Variants in CCDC142 observed in about 807,000 individuals in gnomAD.
CCDC142 encodes the protein coiled-coil domain containing 142.
In CCDC142, 67 loss-of-function variants were observed where a neutral mutation model predicts 83.8. The observed-to-expected ratio is 0.80, with a 90% CI of 0.66 to 0.98. The LOEUF (loss-of-function observed/expected upper bound fraction) is 0.98. CCDC142 is among the 50% of genes least tolerant of loss of function. The probability of loss-of-function intolerance (pLI) is 0.00; values close to 1 mark genes in which losing one functional copy is unlikely to be tolerated. For synonymous variants in CCDC142, 421 were observed against 421.2 expected, an observed-to-expected ratio of 1.00 and a Z score of 0.01; for missense variants, 905 against 946.8, an observed-to-expected ratio of 0.96 and a Z score of 0.58.
Position 74,482,141 on chromosome 2 carries a change from A to G in CCDC142, c.697T>C (p.Ser233Pro), listed in dbSNP as rs145418733. ...CCCGTCAAGAGGCGGAGCACACGGG[A>G]CGTGGGGAAAGGACGTGCGGCCCCT... Reference protein sequence around the residue: ...VPGAARPFPTSRVLRLLTGER... With the variant: ...VPGAARPFPTPRVLRLLTGER... Residue 233 changes from serine (S) to proline (P), a missense_variant, in exon 1 of 9, where the codon TCC (serine) becomes CCC (proline). Physicochemically the swap from Ser to Pro is moderately conservative, Grantham distance 74 (BLOSUM62 -1). Transcript: ENST00000393965. This position sits in a 1 kb window ranked among gnomAD's most constrained non-coding sequence, Gnocchi z 5.0. 3.6e-4 allele frequency: 581 copies of G among 1,613,708 alleles called. 4 individuals carry two copies. In the African/African-American group the frequency reaches 6.5e-3, roughly 18 times the overall value.
intron 7 of CCDC142, 41 bp from the exon 8 acceptor site, chr2:74,475,156 C>T (rs1182414037): frequency 1.2e-6 from 2 of 1,612,134 alleles, no homozygotes; most frequent in South Asian, 2.2e-5. Context: ...ACCCTCCTGC[C>T]TCTCCCACTT....
At chr2:74,479,826 G>A (rs1672404704) in intron 5 of CCDC142, among the ~76,000 whole-genome samples, 1 of 152,060 alleles carries the variant, frequency 6.6e-6, no homozygotes, top group African/African-American at 2.4e-5. Context: ...GTTGCCCCTG[G>A]TGGTCTCGAA....
chr2:74,481,129 A>G, intron 3 of CCDC142, 43 bp from the exon 4 acceptor site: 1 of 1,609,092 alleles, frequency 6.2e-7, no homozygotes, highest in Non-Finnish European at 8.5e-7. Context: ...GGGGTCATGG[A>G]GTACCTTTGG....
chr2:74,477,995 A>ATAT (rs199558851), intron 5 of CCDC142, among the ~76,000 whole-genome samples: 8 of 147,132 alleles, frequency 5.4e-5, no homozygotes, highest in Admixed American at 3.4e-4. Context: ...AATTAAAAAA[A>ATAT]AAATATATAT....
rs1352494389 is a variant in CCDC142 at position 74,473,070 on chromosome 2, G to A, written c.*1476C>T. On this transcript the variant is annotated 3_prime_UTR_variant, in exon 9 of 9. Transcript: ENST00000393965. ...AAGAGAGAGCACTAACACAAGCCGG[G>A]ATGATCCACACCAGAAGGTAAACAC... The A allele has an allele frequency of 3.9e-6, 1 of 256,400 alleles. No individual in the cohort carries two copies. The highest frequency in any genetic ancestry group is 2.3e-5 in the African/African-American group (1 of 43,514). 15.9% of individuals were successfully genotyped at this position (256,400 alleles called of 1,614,324 possible). A position where few individuals can be genotyped will look rare whatever the true frequency, so the allele number is the denominator to read the frequency against.
intron 5 of CCDC142, among the ~76,000 whole-genome samples, chr2:74,480,397 T>A (rs114545151): frequency 0.016 from 2,421 of 152,050 alleles, 32 homozygotes; most frequent in Non-Finnish European, 0.025. Context: ...GAGACCAGAT[T>A]GGGCAACATG....
chr2:74,476,330 A>G (rs1465058085), intron 5 of CCDC142, among the ~76,000 whole-genome samples: 2 of 151,996 alleles, frequency 1.3e-5, no homozygotes, highest in African/African-American at 4.8e-5. Context: ...GCACCACCAC[A>G]CCCAGCTAAT....
chr2:74,477,266 C>T (rs193107327), intron 5 of CCDC142, among the ~76,000 whole-genome samples: 4 of 152,222 alleles, frequency 2.6e-5, no homozygotes, highest in East Asian at 1.9e-4. Flanking sequence ...TACAGGCACC[C>T]GTCACCATGC....
At position 74,472,885 on chromosome 2, in the gene CCDC142, C is replaced by A; in HGVS notation, c.*1661G>T. ...CAAAGTAGGCTGTCAGCAAATACAG[C>A]CTATCATGAATAGTCCTCTCATACG... On this transcript the variant is annotated 3_prime_UTR_variant, in exon 9 of 9. Coordinates refer to ENST00000393965, the MANE Select transcript of CCDC142 (RefSeq NM_001365575.2). 5.0e-6 allele frequency: 3 copies of A among 594,444 alleles called. No homozygotes were observed. The highest frequency in any genetic ancestry group is 3.9e-5 in the South Asian group (2 of 50,684). The allele number at this position is 594,444 out of a possible 1,614,324, so 36.8% of individuals were successfully genotyped here.
In CCDC142 at chr2:74,472,913, G is replaced by T; in HGVS notation, c.*1633C>A. 1.8e-6 allele frequency: 1 copy of T among 555,754 alleles called. No homozygotes were observed. The highest frequency in any genetic ancestry group is 3.2e-6 in the Non-Finnish European group (1 of 310,944). 34.4% of individuals were successfully genotyped at this position (555,754 alleles called of 1,614,324 possible). On this transcript the variant is annotated 3_prime_UTR_variant, in exon 9 of 9. Transcript: ENST00000393965. ...ATCATGAATAGTCCTCTCATACGAC[G>T]GTGAAAACCATAAATAAATGGCGCA...
rs200974445 is a variant in CCDC142 at position 74,474,601 on chromosome 2, C to T, written c.2198G>A (p.Arg733Gln). The T allele has an allele frequency of 8.7e-5, 140 of 1,614,154 alleles. No individual in the cohort carries two copies. The highest frequency in any genetic ancestry group is 6.2e-4 in the Admixed American group (37 of 60,020). Residue 733 changes from arginine to glutamine, a missense_variant, in exon 9 of 9, where the codon CGA (arginine) becomes CAA (glutamine). Arg to Gln is a conservative substitution (Grantham distance 43, BLOSUM62 1). Coordinates refer to ENST00000393965, the MANE Select transcript of CCDC142 (RefSeq NM_001365575.2). ...AAAAAACGGCAGGTGCCAACGGGGT[C>T]GCTGGTGTTGCCTGAGGGCAAGCCA... ...QAWLALRQHQ[R>Q]PRWHLPFFSC...
rs538523273 is a variant in CCDC142 at position 74,474,415 on chromosome 2, T to C, written c.*131A>G. 1 of 1,208,082 alleles carries C rather than the reference T, an allele frequency of 8.3e-7. No individual in the cohort carries two copies. Among genetic ancestry groups the C allele is most frequent in the East Asian group, 2.5e-5 (1 of 40,178 alleles). 74.8% of individuals were successfully genotyped at this position (1,208,082 alleles called of 1,614,324 possible). A position where few individuals can be genotyped will look rare whatever the true frequency, so the allele number is the denominator to read the frequency against. On this transcript the variant is annotated 3_prime_UTR_variant, in exon 9 of 9. Coordinates refer to ENST00000393965, the MANE Select transcript of CCDC142 (RefSeq NM_001365575.2). ...TGGATTCTTAAGCCCAGGCTCTTTG[T>C]AGCTTATTCTCCAGTATGCTTTCCT...
chr2:74,481,196 G>A (rs761216577), intron 3 of CCDC142, 27 bp downstream of exon 3: 1 of 1,613,582 alleles, frequency 6.2e-7, no homozygotes, highest in Non-Finnish European at 8.5e-7. Flanking sequence ...ACTGCTCTGT[G>A]TCCCCAGCCC....
In CCDC142 at chr2:74,482,822, G is replaced by T. The variant is rs750398205; in HGVS notation, c.16C>A (p.Arg6Ser). 7.4e-5 allele frequency: 118 copies of T among 1,599,094 alleles called. No individual in the cohort carries two copies. Among genetic ancestry groups the T allele is most frequent in the Middle Eastern group, 1.6e-4 (1 of 6,080 alleles). The change falls in exon 1 of 9, where the codon CGC becomes AGC. Residue 6 changes from arginine to serine, a missense_variant. By Grantham distance (110) the Arg-to-Ser change is moderately radical. Transcript: ENST00000393965. The surrounding 1 kb of genome is among the most constrained non-coding windows in gnomAD (Gnocchi z 5.0). MAQAS[R>S]SGSLPPLVIV... ...ACGAGTGGAGGCAGGCTACCTGAGCGAGACGCCTGGGCCATGGGGCGGCGG... is the reference window on the plus strand; with the variant it reads ...ACGAGTGGAGGCAGGCTACCTGAGCTAGACGCCTGGGCCATGGGGCGGCGG...
At position 74,481,803 on chromosome 2, in the gene CCDC142, A is replaced by G. The variant is rs753779752; in HGVS notation, c.1021+14T>C. On this transcript the variant is annotated intron_variant, in intron 1 of 8. Coordinates refer to ENST00000393965, the MANE Select transcript of CCDC142 (RefSeq NM_001365575.2). ...CCCAGCCTTCCCAAACGCCCACCCA[A>G]GCCCATCACTCACCCTGACCCAGTG... 6.3e-7 allele frequency: 1 copy of G among 1,598,450 alleles called. No homozygotes were observed. The highest frequency in any genetic ancestry group is 1.1e-5 in the South Asian group (1 of 89,796).
chr2:74,476,594 T>C (rs1027998661), intron 5 of CCDC142, among the ~76,000 whole-genome samples: 33 of 152,210 alleles, frequency 2.2e-4, no homozygotes, highest in African/African-American at 7.5e-4. Flanking sequence ...TGTCCTTACA[T>C]TGAAAGGCAT....
At position 74,482,230 on chromosome 2, in the gene CCDC142, G is replaced by T; in HGVS notation, c.608C>A (p.Ala203Asp). The T allele has an allele frequency of 6.2e-7, 1 of 1,613,482 alleles. No individual in the cohort carries two copies. The highest frequency in any genetic ancestry group is 8.5e-7 in the Non-Finnish European group (1 of 1,179,916). The change falls in exon 1 of 9, where the codon GCC becomes GAC. Residue 203 changes from alanine (A) to aspartate (D), a missense_variant. Around this residue, in one of 3 missense-constraint regions of CCDC142, gnomAD observed 591 missense variants for 571.4 expected, o/e 1.03. Coordinates refer to ENST00000393965, the MANE Select transcript of CCDC142 (RefSeq NM_001365575.2). The surrounding 1 kb of genome is among the most constrained non-coding windows in gnomAD (Gnocchi z 5.0). ...PASPGLSSQL[A>D]ELLFALPAYH... ...GGCGGGAAGTGCAAAGAGCAGCTCG[G>T]CGAGTTGGGACGACAGGCCCGGGCT...
Position 74,475,213 on chromosome 2 carries a change from T to G in CCDC142, c.1796+12A>C, listed in dbSNP as rs371952182. ...CCATTCACCCCCTGCCACTTCCACC[T>G]TTACTCCTGACCTGAACCGAATCCC... On this transcript the variant is annotated intron_variant, in intron 7 of 8. Transcript: ENST00000393965. 1.1e-5 allele frequency: 17 copies of G among 1,614,076 alleles called. No homozygotes were observed. In the African/African-American group the frequency reaches 1.7e-4, roughly 16 times the overall value.
chr2:74,478,530 C>A (rs984855088), intron 5 of CCDC142, among the ~76,000 whole-genome samples: 9 of 152,020 alleles, frequency 5.9e-5, no homozygotes, highest in African/African-American at 2.2e-4. Context: ...GCACCTGCCA[C>A]CATACCGGCT....
Sources: gnomAD v4.1 joint callset for allele counts (sites outside exome capture counted in the v4.1 genomes callset) on GRCh38, gnomAD v4.1.1 for gene constraint, gnomAD v4.1.1 regional missense constraint, Gnocchi (gnomAD v3.1) non-coding constraint, MANE v1.5 for transcripts, NCBI Gene and HGNC (gene_info 2026-07-23, HGNC 2026-07-21) for gene names.